Variants in ENOX2 observed in about 807,000 individuals in gnomAD.
ENOX2 encodes ecto-NOX disulfide-thiol exchanger 2.
ENOX2 carries 36 observed loss-of-function variants against 45.0 expected under a neutral mutation model. The observed-to-expected ratio is 0.80, with a 90% CI of 0.61 to 1.06. The LOEUF is 1.06. Among genes scored for constraint, ENOX2 ranks in the 50% least tolerant of loss-of-function variants. ENOX2 has a pLI of 0.00. For missense variants in ENOX2, 423 were observed against 462.5 expected, an observed-to-expected ratio of 0.91 and a Z score of 0.78; for synonymous variants, 174 against 152.3, an observed-to-expected ratio of 1.14 and a Z score of -1.05.
At chrX:130,625,967 A>G (rs1425875652) in intron 14 of ENOX2, among the ~76,000 whole-genome samples, 1 of 110,388 alleles carries the variant, frequency 9.1e-6, no homozygotes, top group African/African-American at 3.3e-5. Context: ...TACGAAAACA[A>G]AAACAAATCT....
chrX:130,794,301 G>C (rs1201867222), intron 2 of ENOX2, among the ~76,000 whole-genome samples: 13 of 112,594 alleles, frequency 1.2e-4, no homozygotes, highest in Admixed American at 6.6e-4. Flanking sequence ...TGAGGACAGA[G>C]AGTTGTTCTA....
At chrX:130,709,767 A>G (rs1276887718) in intron 3 of ENOX2, among the ~76,000 whole-genome samples, 1 of 110,366 alleles carries the variant, frequency 9.1e-6, no homozygotes, top group Non-Finnish European at 1.9e-5. Flanking sequence ...AATGATGAAT[A>G]ATAGTTTTTT....
At chrX:130,795,115 C>T (rs187576581) in intron 2 of ENOX2, among the ~76,000 whole-genome samples, 1 of 112,430 alleles carries the variant, frequency 8.9e-6, no homozygotes, top group East Asian at 2.8e-4. Flanking sequence ...TGAGAAATAA[C>T]CCTCGCTGTT....
intron 2 of ENOX2, among the ~76,000 whole-genome samples, chrX:130,800,109 T>G (rs868042877): frequency 9.0e-6 from 1 of 110,895 alleles, no homozygotes; most frequent in African/African-American, 3.3e-5. Context: ...ATGCCCAGTA[T>G]GGTAGGAATA....
intron 3 of ENOX2, among the ~76,000 whole-genome samples, chrX:130,717,189 C>G (rs771083430): frequency 2.6e-4 from 29 of 112,234 alleles, no homozygotes; most frequent in Non-Finnish European, 5.3e-4. Context: ...CCTGTGCTTA[C>G]AGTGTGACTA....
Position 130,838,389 on chromosome X carries a change from CAA to C in ENOX2, c.-182-54701_-182-54700del, listed in dbSNP as rs774025779. On this transcript the variant is annotated intron_variant, in intron 2 of 14. Coordinates refer to ENST00000394363, the MANE Select transcript of ENOX2 (RefSeq NM_006375.4). ...AAGAGCGAAACTCTGTCTCAAAAAACAAACAAAAAAGAAACCAACAACAACAA... is the reference window on the plus strand; with the variant it reads ...AAGAGCGAAACTCTGTCTCAAAAAACACAAAAAAGAAACCAACAACAACAA... 7.2e-5 allele frequency among the ~76,000 whole-genome samples: 8 copies of C among 111,534 alleles called. No homozygotes were observed. The South Asian group carries it at 1.1e-3, about 16-fold the overall frequency.
chrX:130,721,278 A>C (rs2038468520), intron 3 of ENOX2, among the ~76,000 whole-genome samples: 1 of 111,845 alleles, frequency 8.9e-6, no homozygotes, highest in Admixed American at 9.4e-5. Context: ...GAAGGCAGAT[A>C]ATCTGTGTTG....
rs531760544 is a variant in ENOX2 at position 130,732,162 on chromosome X, C to T, written c.-38-28908G>A. On this transcript the variant is annotated intron_variant, in intron 3 of 14. Transcript: ENST00000394363. ...ACAAATATAGTAAAATTGCAGGAAA[C>T]GAAATCAATATAGAAAAATCAGTTG... Among the ~76,000 whole-genome samples, 19 of 111,644 alleles carry T rather than the reference C, an allele frequency of 1.7e-4. No homozygotes were observed. The South Asian group carries it at 1.9e-3, about 11-fold the overall frequency.
chrX:130,671,930 T>C (rs919097685), intron 6 of ENOX2, among the ~76,000 whole-genome samples: 1 of 111,884 alleles, frequency 8.9e-6, no homozygotes, highest in African/African-American at 3.3e-5. Flanking sequence ...AAAAAATTAC[T>C]TGGAATGCAA....
chrX:130,859,195 C>T (rs931100255), intron 2 of ENOX2, among the ~76,000 whole-genome samples: 1 of 111,667 alleles, frequency 9.0e-6, no homozygotes, highest in African/African-American at 3.3e-5. Flanking sequence ...TGGTGGTGTG[C>T]ACCTGTAATC....
chrX:130,804,123 T>C (rs1044757028), intron 2 of ENOX2, among the ~76,000 whole-genome samples: 1 of 111,410 alleles, frequency 9.0e-6, no homozygotes, highest in African/African-American at 3.3e-5. Flanking sequence ...TAATGAGCAG[T>C]AAAATTACCA....
chrX:130,769,413 T>C (rs968821082), intron 3 of ENOX2, among the ~76,000 whole-genome samples: 2 of 112,032 alleles, frequency 1.8e-5, no homozygotes, highest in African/African-American at 6.5e-5. Context: ...CACATTGGCT[T>C]TTCCTGAAAT....
intron 3 of ENOX2, among the ~76,000 whole-genome samples, chrX:130,749,475 T>C (rs1054204839): frequency 9.0e-6 from 1 of 111,680 alleles, no homozygotes; most frequent in Non-Finnish European, 1.9e-5. Flanking sequence ...GTTTCATGTG[T>C]TTGCTTAAAA....
Position 130,623,494 on chromosome X carries a change from C to A in ENOX2, c.*1820G>T, listed in dbSNP as rs1411821952. On this transcript the variant is annotated 3_prime_UTR_variant, in exon 15 of 15. Coordinates refer to ENST00000394363, the MANE Select transcript of ENOX2 (RefSeq NM_006375.4). Reference sequence around the variant, plus strand: ...CCCATCACCTAGGTATTAAACCCCGCATGCATTAGCTCTTTTTCCTACTGC... The same window carrying A: ...CCCATCACCTAGGTATTAAACCCCGAATGCATTAGCTCTTTTTCCTACTGC... 5 of 111,248 alleles carry A rather than the reference C, an allele frequency of 4.5e-5. No homozygotes were observed. The South Asian group carries it at 1.5e-3, about 34-fold the overall frequency. The allele number at this position is 111,248 out of a possible 1,213,427, so 9.2% of individuals were successfully genotyped here. A position where few individuals can be genotyped will look rare whatever the true frequency, so the allele number is the denominator to read the frequency against.
At chrX:130,633,614 CTTACTTCT>C (rs2035847341) in intron 12 of ENOX2, among the ~76,000 whole-genome samples, 1 of 112,620 alleles carries the variant, frequency 8.9e-6, no homozygotes, top group South Asian at 3.7e-4. Flanking sequence ...CATTTGACCT[CTTACTTCT>C]TTAAATGAAA....
intron 2 of ENOX2, among the ~76,000 whole-genome samples, chrX:130,862,039 A>G (rs1216140342): frequency 1.8e-5 from 2 of 111,930 alleles, no homozygotes; most frequent in Admixed American, 9.4e-5. Context: ...AAACCACATT[A>G]TATCACTCTT....
chrX:130,873,773 T>C (rs1319404106), intron 2 of ENOX2, among the ~76,000 whole-genome samples: 1 of 110,247 alleles, frequency 9.1e-6, no homozygotes, highest in Non-Finnish European at 1.9e-5. Context: ...AAACCATCCT[T>C]CTCAGCAAAC....
intron 3 of ENOX2, among the ~76,000 whole-genome samples, chrX:130,738,435 G>C (rs1180250275): frequency 3.6e-5 from 4 of 112,011 alleles, no homozygotes; most frequent in African/African-American, 9.7e-5. Context: ...CAAGAAATAT[G>C]GAGACTTGGG....
At chrX:130,810,058 A>T (rs1390841587) in intron 2 of ENOX2, among the ~76,000 whole-genome samples, 1 of 110,910 alleles carries the variant, frequency 9.0e-6, no homozygotes, top group African/African-American at 3.3e-5. Context: ...TAAGACAGAC[A>T]GTTTTATACT....
Sources: allele counts gnomAD v4.1 joint callset (sites outside exome capture counted in the v4.1 genomes callset), GRCh38; gene constraint gnomAD v4.1.1; transcripts MANE v1.5; gene names NCBI Gene and HGNC (gene_info 2026-07-23, HGNC 2026-07-21).